TUBB3: variants seen among roughly 807,000 people sequenced by gnomAD.
TUBB3 encodes the protein tubulin beta-3 chain.
Under a neutral mutation model 37.8 loss-of-function variants are expected in TUBB3, and 17 were observed. The ratio of observed to expected loss-of-function variants is 0.45; its 90% CI spans 0.31 to 0.67. The LOEUF is 0.67. Ranked by LOEUF, TUBB3 falls within the 30% of genes least tolerant of loss-of-function variation. TUBB3 has a pLI of 0.07. For synonymous variants in TUBB3, 332 were observed against 278.9 expected, an observed-to-expected ratio of 1.19 and a Z score of -1.90; for missense variants, 262 against 657.9, an observed-to-expected ratio of 0.40 and a Z score of 6.58.
At chr16:89,927,659 C>A (rs573961675) in intron 1 of TUBB3, among the ~76,000 whole-genome samples, 1 of 152,292 alleles carries the variant, frequency 6.6e-6, no homozygotes, top group Non-Finnish European at 1.5e-5. Context: ...CCAACATGTG[C>A]TGAATGTTTT....
At chr16:89,927,715 C>G (rs912455110) in intron 1 of TUBB3, among the ~76,000 whole-genome samples, 3 of 152,246 alleles carry the variant, frequency 2.0e-5, no homozygotes, top group Non-Finnish European at 4.4e-5. Context: ...ACCATTCACA[C>G]GTTCATCTCA....
Position 89,935,853 on chromosome 16 carries a change from C to A in TUBB3, c.*49C>A. 6.3e-7 allele frequency: 1 copy of A among 1,577,668 alleles called. No homozygotes were observed. Among genetic ancestry groups the A allele is most frequent in the East Asian group, 2.3e-5 (1 of 43,256 alleles). ...GGCAGGTGGCGGCCGGGGCCGAAGC[C>A]AGCAGTGTCTAAACCCCCGGAGCCA... is the stretch of plus-strand genomic sequence containing the variant. On this transcript the variant is annotated 3_prime_UTR_variant, in exon 4 of 4. Coordinates refer to ENST00000315491, the MANE Select transcript of TUBB3 (RefSeq NM_006086.4).
chr16:89,933,389 G>T, intron 2 of TUBB3, 79 bp from the exon 3 acceptor site: 1 of 1,172,384 alleles, frequency 8.5e-7, no homozygotes, highest in South Asian at 1.2e-5. Flanking sequence ...GATGGCAGGC[G>T]GGCACAGAAT....
chr16:89,928,413 C>T (rs1197898618), intron 1 of TUBB3, among the ~76,000 whole-genome samples: 1 of 150,714 alleles, frequency 6.6e-6, no homozygotes, highest in Non-Finnish European at 1.5e-5. Flanking sequence ...GGCTGGAGTG[C>T]AGTGGAGTGA....
intron 1 of TUBB3, among the ~76,000 whole-genome samples, chr16:89,924,678 A>T (rs1202442030): frequency 6.6e-6 from 1 of 152,006 alleles, no homozygotes; most frequent in Non-Finnish European, 1.5e-5. Flanking sequence ...TGTAAATTGC[A>T]ACTTTGGCTC....
chr16:89,931,394 A>G (rs373348404), intron 1 of TUBB3, among the ~76,000 whole-genome samples: 16 of 152,328 alleles, frequency 1.1e-4, no homozygotes, highest in African/African-American at 9.6e-5. Flanking sequence ...AGTAAGGGCA[A>G]GGGGCATTGG....
At chr16:89,927,437 ATTAATT>A (rs1181845768) in intron 1 of TUBB3, among the ~76,000 whole-genome samples, 1 of 152,076 alleles carries the variant, frequency 6.6e-6, no homozygotes, top group African/African-American at 2.4e-5. Context: ...TTATAATTTT[ATTAATT>A]TTAACTACAA....
intron 1 of TUBB3, among the ~76,000 whole-genome samples, chr16:89,926,148 T>C (rs1203426449): frequency 6.6e-6 from 1 of 152,166 alleles, no homozygotes; most frequent in African/African-American, 2.4e-5. Flanking sequence ...CGGGCTTTGC[T>C]TTCCTGGGGC....
chr16:89,923,838 A>G (rs1167956416), intron 1 of TUBB3, among the ~76,000 whole-genome samples: 1 of 149,664 alleles, frequency 6.7e-6, no homozygotes, highest in South Asian at 2.2e-4. Context: ...CGGGTGGGGT[A>G]GGCAGGTTTG....
chr16:89,932,130 T>C (rs60293857), intron 1 of TUBB3: 28,015 of 309,128 alleles, frequency 0.091, 3,381 homozygotes, highest in African/African-American at 0.34. Context: ...TCCTGAGCTC[T>C]GGGCCTCTGA....
Position 89,923,469 on chromosome 16 carries a change from G to T in TUBB3, c.57+11G>T. ...CAGATCGGGGCCAAGGTGAGGCTGC[G>T]CGCCCCGGCCTGTCCCGGGCCCCGG... On this transcript the variant is annotated intron_variant, in intron 1 of 3. Coordinates refer to ENST00000315491, the MANE Select transcript of TUBB3 (RefSeq NM_006086.4). The T allele has an allele frequency of 6.8e-7, 1 of 1,480,710 alleles. No individual in the cohort carries two copies. 91.7% of individuals were successfully genotyped at this position (1,480,710 alleles called of 1,614,324 possible). A position where few individuals can be genotyped will look rare whatever the true frequency, so the allele number is the denominator to read the frequency against.
Position 89,935,726 on chromosome 16 carries a change from C to T in TUBB3, c.1275C>T (p.Tyr425=), listed in dbSNP as rs2030432189. The part of the protein sequence containing the change: ...MNDLVSEYQQ[Y]QDATAEEEGE... The stretch of plus-strand genomic sequence containing the variant: ...ACCTGGTGTCCGAGTACCAGCAGTA[C>T]CAGGACGCCACGGCCGAGGAAGAGG... Residue 425 remains tyrosine (Y), a synonymous_variant, in exon 4 of 4, where the codon TAC becomes TAT. Coordinates refer to ENST00000315491, the MANE Select transcript of TUBB3 (RefSeq NM_006086.4). The T allele has an allele frequency of 6.2e-7, 1 of 1,613,872 alleles. No individual in the cohort carries two copies. Among genetic ancestry groups the T allele is most frequent in the Non-Finnish European group, 8.5e-7 (1 of 1,179,918 alleles).
chr16:89,926,013 G>A (rs1212063446), intron 1 of TUBB3, among the ~76,000 whole-genome samples: 3 of 152,118 alleles, frequency 2.0e-5, no homozygotes, highest in Non-Finnish European at 4.4e-5. Flanking sequence ...CCCGAAGCCC[G>A]GAAAGCCGAG....
chr16:89,923,363 C>A lies in TUBB3; in HGVS notation c.-39C>A. 6.9e-7 allele frequency: 1 copy of A among 1,442,302 alleles called. No individual in the cohort carries two copies. Among genetic ancestry groups the A allele is most frequent in the South Asian group, 1.3e-5 (1 of 75,356 alleles). 89.3% of individuals were successfully genotyped at this position (1,442,302 alleles called of 1,614,324 possible). On this transcript the variant is annotated 5_prime_UTR_variant, in exon 1 of 4. Transcript: ENST00000315491. Reference sequence around the variant, plus strand: ...GACCCTCAGCAGCCAGCCCGGCCCGCCCGCGCCCGTCCGCAGCCGCCCGCC... The same window carrying A: ...GACCCTCAGCAGCCAGCCCGGCCCGACCGCGCCCGTCCGCAGCCGCCCGCC...
chr16:89,934,321 C>T lies in TUBB3; in HGVS notation c.278-408C>T, dbSNP rs556636335. The T allele has an allele frequency of 2.9e-5, 14 of 479,278 alleles. No individual in the cohort carries two copies. The Middle Eastern group carries it at 1.0e-3, about 35-fold the overall frequency. The allele number at this position is 479,278 out of a possible 1,614,324, so 29.7% of individuals were successfully genotyped here. The stretch of plus-strand genomic sequence containing the variant: ...GGGCCTCGCTTCACTTCTGCCTTCC[C>T]GACCGCAGCACATCCAGCTGGTAGA... On this transcript the variant is annotated intron_variant, in intron 3 of 3. Coordinates refer to ENST00000315491, the MANE Select transcript of TUBB3 (RefSeq NM_006086.4).
rs561982120 is a variant in TUBB3 at position 89,931,512 on chromosome 16, A to T, written c.58-1059A>T. ...GGCCTCGGCCATCAGAGCGTGTCCC[A>T]CGATGAGGTGGCAACTTCCCTGAAG... On this transcript the variant is annotated intron_variant, in intron 1 of 3. Transcript: ENST00000315491. Among the ~76,000 whole-genome samples, 25 of 151,144 alleles carry T rather than the reference A, an allele frequency of 1.7e-4. No homozygotes were observed. The South Asian group carries it at 3.2e-3, about 19-fold the overall frequency.
In TUBB3 at chr16:89,934,862, C is replaced by T; in HGVS notation, c.411C>T (p.His137=). The T allele has an allele frequency of 6.2e-7, 1 of 1,614,160 alleles. No homozygotes were observed. The highest frequency in any genetic ancestry group is 1.1e-5 in the South Asian group (1 of 91,088). ...CDCLQGFQLT[H]SLGGGTGSGM... ...GCCTGCAGGGCTTCCAGCTGACCCA[C>T]TCGCTGGGGGGCGGCACGGGCTCCG... Residue 137 remains histidine (H), a synonymous_variant, in exon 4 of 4, where the codon CAC becomes CAT. Transcript: ENST00000315491.
intron 1 of TUBB3, among the ~76,000 whole-genome samples, chr16:89,929,653 C>G (rs2030210392): frequency 1.3e-5 from 2 of 152,214 alleles, no homozygotes; most frequent in Non-Finnish European, 2.9e-5. Flanking sequence ...CAGCCTTCCA[C>G]ACATCTACCA....
In TUBB3 at chr16:89,934,937, C is replaced by T; in HGVS notation, c.486C>T (p.Arg162=). 6.2e-7 allele frequency: 1 copy of T among 1,614,182 alleles called. No individual in the cohort carries two copies. The highest frequency in any genetic ancestry group is 8.5e-7 in the Non-Finnish European group (1 of 1,180,022). The change falls in exon 4 of 4, where the codon CGC becomes CGT. Residue 162 remains arginine, a synonymous_variant. Transcript: ENST00000315491. ...AGGTGCGTGAGGAGTATCCCGACCGCATCATGAACACCTTCAGCGTCGTGC... is the reference window on the plus strand; with the variant it reads ...AGGTGCGTGAGGAGTATCCCGACCGTATCATGAACACCTTCAGCGTCGTGC... ...ISKVREEYPD[R]IMNTFSVVPS...
Sources: allele counts gnomAD v4.1 joint callset (sites outside exome capture counted in the v4.1 genomes callset), GRCh38; gene constraint gnomAD v4.1.1; transcripts MANE v1.5; gene names NCBI Gene and HGNC (gene_info 2026-07-23, HGNC 2026-07-21).